Variants in TNS3 observed in about 807,000 individuals in gnomAD.
TNS3 encodes tensin 3.
Under a neutral mutation model 140.9 loss-of-function variants are expected in TNS3, and 45 were observed. The observed-to-expected ratio is 0.32, with a 90% CI of 0.25 to 0.41. TNS3 has a LOEUF of 0.41. Among genes scored for constraint, TNS3 ranks in the 10% least tolerant of loss-of-function variants. TNS3 has a pLI of 1.00. For synonymous variants in TNS3, 815 were observed against 788.4 expected (o/e 1.03, Z -0.56); for missense variants, 1,716 against 1,906.7 (o/e 0.90, Z 1.86).
In TNS3 at chr7:47,368,969, C is replaced by G. The variant is rs1790883680; in HGVS notation, c.1677G>C (p.Glu559Asp). The G allele has an allele frequency of 6.2e-7, 1 of 1,613,684 alleles. No homozygotes were observed. Among genetic ancestry groups the G allele is most frequent in the Non-Finnish European group, 8.5e-7 (1 of 1,179,968 alleles). ...TCAGCAGGGGCTGGGGCTGCTTGGG[C>G]TCTCGACTCCCAAAAGTCCGCTCCC... Reference protein sequence around the residue: ...YERERTFGSREPKQPQPLLRK... With the variant: ...YERERTFGSRDPKQPQPLLRK... The change falls in exon 17 of 31, where the codon GAG becomes GAC. Residue 559 changes from glutamate to aspartate, a missense_variant. Glu to Asp is a conservative substitution (Grantham distance 45, BLOSUM62 2). Around this residue, in one of 3 missense-constraint regions of TNS3, gnomAD observed 1,163 missense variants for 1,182.1 expected, o/e 0.98. Transcript: ENST00000311160.
chr7:47,284,164 G>A (rs946840838), intron 27 of TNS3, among the ~76,000 whole-genome samples: 2 of 152,140 alleles, frequency 1.3e-5, no homozygotes, highest in Non-Finnish European at 2.9e-5. Flanking sequence ...CTTTCTATTC[G>A]CCCTGCAGCA....
chr7:47,332,349 T>C (rs1220433778), intron 20 of TNS3, among the ~76,000 whole-genome samples: 5 of 152,226 alleles, frequency 3.3e-5, no homozygotes, highest in African/African-American at 9.6e-5. Context: ...GCACATTTTA[T>C]ATGCTGGGGC....
chr7:47,564,334 T>G (rs1800379996), intron 1 of TNS3, among the ~76,000 whole-genome samples: 1 of 151,898 alleles, frequency 6.6e-6, no homozygotes. Flanking sequence ...CCAAGCTGCC[T>G]TCAGACTCCA....
intron 3 of TNS3, among the ~76,000 whole-genome samples, chr7:47,497,552 A>C (rs969389735): frequency 6.6e-6 from 1 of 152,054 alleles, no homozygotes; most frequent in African/African-American, 2.4e-5. Context: ...AAGTTTCAGA[A>C]GCTGCTTCTG....
intron 9 of TNS3, among the ~76,000 whole-genome samples, chr7:47,425,785 A>T (rs932709365): frequency 5.3e-5 from 8 of 152,082 alleles, no homozygotes; most frequent in Non-Finnish European, 1.2e-4. Context: ...TATAACTCTT[A>T]TTTCTATGGT....
At chr7:47,467,928 C>T (rs1034483658) in intron 4 of TNS3, among the ~76,000 whole-genome samples, 1 of 152,120 alleles carries the variant, frequency 6.6e-6, no homozygotes, top group Non-Finnish European at 1.5e-5. Context: ...ATGAGTATCC[C>T]TTTTGCAGGT....
chr7:47,338,704 G>A (rs1475193699), intron 20 of TNS3, among the ~76,000 whole-genome samples: 1 of 152,154 alleles, frequency 6.6e-6, no homozygotes, highest in East Asian at 1.9e-4. Context: ...GTACTTCGAT[G>A]GTGTATATGT....
chr7:47,476,962 T>C (rs1797217700), intron 4 of TNS3, among the ~76,000 whole-genome samples: 1 of 152,194 alleles, frequency 6.6e-6, no homozygotes, highest in Non-Finnish European at 1.5e-5. Flanking sequence ...CTACCAGGAA[T>C]ATGAAAACGA....
intron 17 of TNS3, among the ~76,000 whole-genome samples, chr7:47,357,856 G>A (rs1470053553): frequency 1.3e-5 from 2 of 152,308 alleles, no homozygotes; most frequent in African/African-American, 4.8e-5. Context: ...CTTCTAAAAA[G>A]GCATATTTAA....
intron 10 of TNS3, among the ~76,000 whole-genome samples, chr7:47,418,835 G>C (rs1003085920): frequency 2.6e-5 from 4 of 152,362 alleles, no homozygotes; most frequent in Non-Finnish European, 4.4e-5. Flanking sequence ...CTAGACGTTA[G>C]CTTAAATCTG....
At chr7:47,317,694 T>C (rs989630966) in intron 20 of TNS3, among the ~76,000 whole-genome samples, 5 of 152,190 alleles carry the variant, frequency 3.3e-5, no homozygotes, top group African/African-American at 1.2e-4. Flanking sequence ...TCCTTCCTTC[T>C]AGACTTTAAA....
At chr7:47,578,567 G>A (rs560046252) in intron 1 of TNS3, among the ~76,000 whole-genome samples, 2 of 152,136 alleles carry the variant, frequency 1.3e-5, no homozygotes, top group Middle Eastern at 3.4e-3. Flanking sequence ...GTTGGGGGGG[G>A]GCGGTGGTTA....
chr7:47,292,535 C>G (rs1042734703), intron 26 of TNS3, among the ~76,000 whole-genome samples: 1 of 152,218 alleles, frequency 6.6e-6, no homozygotes, highest in African/African-American at 2.4e-5. Flanking sequence ...GACCCTGAAG[C>G]CTTCTTTGTC....
intron 1 of TNS3, among the ~76,000 whole-genome samples, chr7:47,544,516 T>C (rs1276420388): frequency 6.6e-6 from 1 of 152,064 alleles, no homozygotes; most frequent in Admixed American, 6.6e-5. Flanking sequence ...CACAAGACCC[T>C]TCACCCATTC....
At chr7:47,449,794 T>A (rs1410037433) in intron 4 of TNS3, among the ~76,000 whole-genome samples, 4 of 151,972 alleles carry the variant, frequency 2.6e-5, no homozygotes, top group African/African-American at 9.7e-5. Flanking sequence ...TTAGTAGAGA[T>A]GGGGTTTCAC....
intron 17 of TNS3, among the ~76,000 whole-genome samples, chr7:47,346,968 C>G (rs1190077987): frequency 6.6e-6 from 1 of 152,208 alleles, no homozygotes; most frequent in African/African-American, 2.4e-5. Flanking sequence ...CCACTCTTGA[C>G]CAAATTCTGT....
intron 1 of TNS3, among the ~76,000 whole-genome samples, chr7:47,565,513 C>T (rs574245723): frequency 5.9e-5 from 9 of 152,154 alleles, no homozygotes; most frequent in African/African-American, 2.2e-4. Flanking sequence ...ACTACAGGCG[C>T]ACACCATATG....
In TNS3 at chr7:47,341,374, T is replaced by C. The variant is rs1054582920; in HGVS notation, c.2650+3381A>G. Reference sequence around the variant, plus strand: ...TCCAGTGAAACCTGAAGATTTCTTTTTTGGGAGATTATAAATTACTAGGTC... The same window carrying C: ...TCCAGTGAAACCTGAAGATTTCTTTCTTGGGAGATTATAAATTACTAGGTC... On this transcript the variant is annotated intron_variant, in intron 20 of 30. Transcript: ENST00000311160. Among the ~76,000 whole-genome samples the C allele has an allele frequency of 1.7e-4, 26 of 152,254 alleles. 1 individual carries two copies. The highest frequency in any genetic ancestry group is 1.5e-3 in the Admixed American group (23 of 15,288).
intron 20 of TNS3, among the ~76,000 whole-genome samples, chr7:47,316,777 C>CAAAAAAAAAAAAA (rs766794024): frequency 1.8e-5 from 1 of 55,994 alleles, no homozygotes; most frequent in Non-Finnish European, 4.1e-5. Flanking sequence ...GACTCCATCT[C>CAAAAAAAAAAAAA]AAAAAAAAAA....
Sources: gnomAD v4.1 joint callset for allele counts (sites outside exome capture counted in the v4.1 genomes callset) on GRCh38, gnomAD v4.1.1 for gene constraint, gnomAD v4.1.1 regional missense constraint, MANE v1.5 for transcripts, NCBI Gene and HGNC (gene_info 2026-07-23, HGNC 2026-07-21) for gene names.